The following SYT1 variants were observed in gnomAD, a reference collection of about 807,000 sequenced individuals.
The protein encoded by SYT1 is synaptotagmin 1.
A neutral mutation model predicts 44.8 loss-of-function variants in SYT1; 8 were observed. The observed-to-expected ratio is 0.18, with a 90% CI of 0.10 to 0.32. The LOEUF (loss-of-function observed/expected upper bound fraction) is 0.32, where lower values mean the gene tolerates loss of function less well. SYT1 is among the 10% of genes least tolerant of loss of function. The probability of loss-of-function intolerance (pLI) is 1.00; values close to 1 mark genes in which losing one functional copy is unlikely to be tolerated. For missense variants in SYT1, 286 were observed against 509.3 expected (o/e 0.56, Z 4.22); for synonymous variants, 154 against 188.8 (o/e 0.82, Z 1.51).
At chr12:79,346,909 C>T (rs1055741093) in intron 8 of SYT1, among the ~76,000 whole-genome samples, 7 of 151,942 alleles carry the variant, frequency 4.6e-5, no homozygotes, top group South Asian at 4.1e-4. Flanking sequence ...GTTGAGCTCA[C>T]GTGTAAGAAA....
chr12:79,128,245 TAGTC>T (rs1656803645), intron 3 of SYT1, among the ~76,000 whole-genome samples: 6 of 151,982 alleles, frequency 3.9e-5, no homozygotes, highest in Admixed American at 3.9e-4. Flanking sequence ...ATGAAAAAAT[TAGTC>T]AGGTGTACTG....
intron 2 of SYT1, among the ~76,000 whole-genome samples, chr12:78,988,028 A>G (rs188498095): frequency 2.0e-5 from 3 of 152,118 alleles, no homozygotes; most frequent in Admixed American, 2.0e-4. Context: ...TATTCATTCA[A>G]CCAATATTTA....
chr12:78,869,127 A>G (rs1005075586), intron 1 of SYT1, among the ~76,000 whole-genome samples: 8 of 151,920 alleles, frequency 5.3e-5, no homozygotes, highest in Admixed American at 5.2e-4. Context: ...AGAAATGATC[A>G]ACATTTTTTC....
rs190882633 is a variant in SYT1, at chr12:79,309,982, T to C, written c.810+10431T>C. On this transcript the variant is annotated intron_variant, in intron 8 of 10. Transcript: ENST00000261205. ...TTTGTAGGTTGCCTGTTCACTCTGA[T>C]GGTAGTTTCTTTTGCTGTGCAGAAG... Among the ~76,000 whole-genome samples the C allele has an allele frequency of 4.2e-3, 636 of 152,272 alleles. 21 individuals carry two copies. Among genetic ancestry groups the C allele is most frequent in the Admixed American group, 0.036 (549 of 15,290 alleles).
chr12:79,065,162 C>A (rs920154529), intron 3 of SYT1, among the ~76,000 whole-genome samples: 1 of 152,028 alleles, frequency 6.6e-6, no homozygotes, highest in Admixed American at 6.6e-5. Flanking sequence ...CGCTTCAGCC[C>A]AGGAGTTTGA....
At chr12:79,270,691 A>T (rs1476241562) in intron 4 of SYT1, among the ~76,000 whole-genome samples, 1 of 152,202 alleles carries the variant, frequency 6.6e-6, no homozygotes, top group Admixed American at 6.5e-5. Context: ...CCAGTGAGTA[A>T]ATCTACCAAA....
At chr12:79,275,475 C>G (rs1001616192) in intron 4 of SYT1, among the ~76,000 whole-genome samples, 2 of 152,040 alleles carry the variant, frequency 1.3e-5, no homozygotes, top group African/African-American at 4.8e-5. Context: ...AGTTCCACTC[C>G]CCCTCTACAT....
chr12:78,895,890 G>A (rs1460902180), intron 1 of SYT1, among the ~76,000 whole-genome samples: 1 of 151,702 alleles, frequency 6.6e-6, no homozygotes, highest in Non-Finnish European at 1.5e-5. Context: ...GTATAATTGT[G>A]TAGAAGAAAG....
chr12:79,118,495 C>G (rs1879421008), intron 3 of SYT1, among the ~76,000 whole-genome samples: 1 of 152,178 alleles, frequency 6.6e-6, no homozygotes, highest in African/African-American at 2.4e-5. Flanking sequence ...TAATGGTAGA[C>G]TGTCTTTTTC....
chr12:79,165,553 C>T (rs761720799), intron 3 of SYT1, among the ~76,000 whole-genome samples: 9 of 151,962 alleles, frequency 5.9e-5, no homozygotes, highest in African/African-American at 1.2e-4. Context: ...TTCAAGCAGA[C>T]GCCTTAGAAA....
chr12:79,050,885 G>A (rs1398174543), intron 3 of SYT1, among the ~76,000 whole-genome samples: 2 of 152,034 alleles, frequency 1.3e-5, no homozygotes, highest in Admixed American at 6.6e-5. Context: ...GCATAAGCCT[G>A]TGAGTGTGTG....
chr12:79,291,941 G>A, intron 5 of SYT1, 67 bp from the exon 6 acceptor site: 1 of 1,596,754 alleles, frequency 6.3e-7, no homozygotes, highest in Non-Finnish European at 8.6e-7. Flanking sequence ...TGTAACTACA[G>A]GCCCAGTTCA....
chr12:78,989,177 G>A (rs953736408), intron 2 of SYT1, among the ~76,000 whole-genome samples: 9 of 152,008 alleles, frequency 5.9e-5, no homozygotes, highest in African/African-American at 2.2e-4. Context: ...TTATATGTTA[G>A]GTTTGAGGTC....
intron 3 of SYT1, 115 bp from the exon 4 acceptor site, chr12:79,217,388 A>G (rs758927573): frequency 1.0e-4 from 86 of 836,728 alleles, no homozygotes; most frequent in Admixed American, 1.8e-4. Context: ...ATGATGGACT[A>G]TTTACCCAGT....
intron 3 of SYT1, among the ~76,000 whole-genome samples, chr12:79,214,001 A>T (rs886173824): frequency 6.6e-6 from 1 of 152,232 alleles, no homozygotes; most frequent in Non-Finnish European, 1.5e-5. Flanking sequence ...CCACAAAATG[A>T]TGCCTCCTGA....
chr12:79,205,058 G>A (rs996938647), intron 3 of SYT1, among the ~76,000 whole-genome samples: 4 of 146,632 alleles, frequency 2.7e-5, no homozygotes, highest in Non-Finnish European at 5.9e-5. Context: ...TCCGCCTCCC[G>A]AGTTCACGCC....
Position 79,167,810 on chromosome 12 carries a change from C to T in SYT1, c.-17-49693C>T, listed in dbSNP as rs112130068. ...CTTGTTTCATGGAAGACAATTTTTC[C>T]CTGGGGGATGCAGCGGGCTGGGAAT... is the stretch of plus-strand genomic sequence containing the variant. On this transcript the variant is annotated intron_variant, in intron 3 of 10. Coordinates refer to ENST00000261205, the MANE Select transcript of SYT1 (RefSeq NM_005639.3). Among the ~76,000 whole-genome samples, 528 of 152,014 alleles carry T rather than the reference C, an allele frequency of 3.5e-3. 3 individuals carry two copies. Among genetic ancestry groups the T allele is most frequent in the African/African-American group, 0.012 (512 of 41,478 alleles).
intron 8 of SYT1, among the ~76,000 whole-genome samples, chr12:79,348,531 A>G (rs1204490473): frequency 6.6e-6 from 1 of 152,248 alleles, no homozygotes; most frequent in Admixed American, 6.5e-5. Flanking sequence ...TGGTTTAGAC[A>G]TTTAGGACAG....
chr12:78,916,714 C>T (rs1028134509), intron 1 of SYT1, among the ~76,000 whole-genome samples: 3 of 151,884 alleles, frequency 2.0e-5, no homozygotes, highest in Admixed American at 6.6e-5. Flanking sequence ...TTCAAGTCTC[C>T]GTGTTTAATA....
Sources: gnomAD v4.1 joint callset for allele counts (sites outside exome capture counted in the v4.1 genomes callset) on GRCh38, gnomAD v4.1.1 for gene constraint, MANE v1.5 for transcripts, NCBI Gene and HGNC (gene_info 2026-07-23, HGNC 2026-07-21) for gene names.